GSTO2: variants seen among roughly 807,000 people sequenced by gnomAD.
The protein encoded by GSTO2 is glutathione S-transferase omega-2.
Under a neutral mutation model 28.4 loss-of-function variants are expected in GSTO2, and 23 were observed. The ratio of observed to expected loss-of-function variants is 0.81; its 90% CI spans 0.58 to 1.15. GSTO2 has a LOEUF of 1.15. Ranked by LOEUF, GSTO2 falls within the 50% of genes most tolerant of loss-of-function variation. GSTO2 has a pLI of 0.00. For missense variants in GSTO2, 298 were observed against 297.8 expected (o/e 1.00, Z 0.00); for synonymous variants, 109 against 111.0 (o/e 0.98, Z 0.11).
intron 5 of GSTO2, chr10:104,294,857 C>T (rs1282859556): frequency 1.3e-5 from 2 of 152,166 alleles, no homozygotes; most frequent in Non-Finnish European, 1.5e-5. Flanking sequence ...AAATGGAAAG[C>T]TTTAGAGATA....
At position 104,302,681 on chromosome 10, in the gene GSTO2, TG is replaced by T. The variant is rs1485376061; in HGVS notation, c.*3402del. 3 of 152,370 alleles carry T rather than the reference TG, an allele frequency of 2.0e-5. No individual in the cohort carries two copies. The East Asian group carries it at 5.8e-4, about 29-fold the overall frequency. The allele number at this position is 152,370 out of a possible 1,614,324, so 9.4% of individuals were successfully genotyped here. A position where few individuals can be genotyped will look rare whatever the true frequency, so the allele number is the denominator to read the frequency against. On this transcript the variant is annotated 3_prime_UTR_variant, in exon 7 of 7. Transcript: ENST00000338595. ...ATGCTGGTGGGAGGTGATTGGATCA[TG>T]GGGGTAGATTTCTCATGAATGGTTT...
intron 5 of GSTO2, among the ~76,000 whole-genome samples, chr10:104,287,911 G>A (rs889232205): frequency 7.4e-6 from 1 of 136,018 alleles, no homozygotes; most frequent in Non-Finnish European, 1.6e-5. Context: ...TTTTTGGGAC[G>A]GAGTCTCGCT....
intron 1 of GSTO2, among the ~76,000 whole-genome samples, chr10:104,272,587 C>CTGTTTTTTTTTTTT (rs2011459645): frequency 2.0e-5 from 1 of 49,280 alleles, no homozygotes; most frequent in Non-Finnish European, 3.8e-5. Flanking sequence ...AGTTATGGGA[C>CTGTTTTTTTTTTTT]TTTTTTTTTT....
chr10:104,298,586 C>A (rs1589878684), intron 6 of GSTO2, among the ~76,000 whole-genome samples: 1 of 152,220 alleles, frequency 6.6e-6, no homozygotes, highest in Non-Finnish European at 1.5e-5. Flanking sequence ...TTATCTTCAG[C>A]TTATTGCTTT....
chr10:104,278,062 A>T lies in GSTO2; in HGVS notation c.312A>T (p.Pro104=). 1 of 1,614,232 alleles carries T rather than the reference A, an allele frequency of 6.2e-7. No individual in the cohort carries two copies. Among genetic ancestry groups the T allele is most frequent in the Middle Eastern group, 1.7e-4 (1 of 6,060 alleles). ...CTTATCCAGGAAGGAAGCTGTTTCC[A>T]TATGACCCTTATGAACGAGCTCGCC... is the stretch of plus-strand genomic sequence containing the variant. ...DDAYPGRKLF[P]YDPYERARQK... is the part of the protein sequence containing the mutation. Residue 104 remains proline (P), a synonymous_variant, in exon 4 of 7, where the codon CCA becomes CCT. Coordinates refer to ENST00000338595, the MANE Select transcript of GSTO2 (RefSeq NM_183239.2).
intron 1 of GSTO2, among the ~76,000 whole-genome samples, chr10:104,272,855 G>A (rs952125953): frequency 5.3e-5 from 8 of 151,306 alleles, no homozygotes; most frequent in African/African-American, 1.7e-4. Context: ...CTCGTGATCC[G>A]CCCGCCTCGG....
chr10:104,288,443 C>T (rs1163984715), intron 5 of GSTO2: 2 of 152,204 alleles, frequency 1.3e-5, no homozygotes, highest in African/African-American at 4.8e-5. Context: ...CTGTATTTCA[C>T]TAAATTGCTT....
chr10:104,270,649 C>T (rs1485465324), intron 1 of GSTO2, among the ~76,000 whole-genome samples: 4 of 152,058 alleles, frequency 2.6e-5, no homozygotes, highest in Non-Finnish European at 5.9e-5. Flanking sequence ...AGAATAGAAC[C>T]TTTTACCTAA....
rs976440684 is a variant in GSTO2 at position 104,304,394 on chromosome 10, A to T, written c.*5110A>T. On this transcript the variant is annotated 3_prime_UTR_variant, in exon 7 of 7. Coordinates refer to ENST00000338595, the MANE Select transcript of GSTO2 (RefSeq NM_183239.2). ...CAGTCTTTTCTCTTGCAAAGTTCAGATCAAAATTCTTCTTTATGTAAAGAG... is the reference window on the plus strand; with the variant it reads ...CAGTCTTTTCTCTTGCAAAGTTCAGTTCAAAATTCTTCTTTATGTAAAGAG... 4.6e-5 allele frequency: 7 copies of T among 151,954 alleles called. No homozygotes were observed. The highest frequency in any genetic ancestry group is 1.7e-4 in the African/African-American group (7 of 41,326). 9.4% of individuals were successfully genotyped at this position (151,954 alleles called of 1,614,324 possible).
intron 6 of GSTO2, 55 bp downstream of exon 6, chr10:104,297,739 G>T: frequency 8.2e-7 from 1 of 1,220,542 alleles, no homozygotes; most frequent in South Asian, 1.2e-5. Flanking sequence ...GAGTAACAAT[G>T]GTTAAGATGG....
chr10:104,299,014 A>G, intron 6 of GSTO2, 114 bp from the exon 7 acceptor site: 1 of 934,270 alleles, frequency 1.1e-6, no homozygotes, highest in East Asian at 2.6e-5. Flanking sequence ...GATAACTAAG[A>G]TAACTTCCCA....
rs1033299979 is a variant in GSTO2, at chr10:104,283,259, T to C, written c.468+3788T>C. Among the ~76,000 whole-genome samples, 5 of 152,212 alleles carry C rather than the reference T, an allele frequency of 3.3e-5. No homozygotes were observed. The East Asian group carries it at 9.6e-4, about 29-fold the overall frequency. Reference sequence around the variant, plus strand: ...TGTAGGTAGCTTTCACTGATGCTATTTAAGGACCACTGAGTACTCCACATT... The same window carrying C: ...TGTAGGTAGCTTTCACTGATGCTATCTAAGGACCACTGAGTACTCCACATT... On this transcript the variant is annotated intron_variant, in intron 5 of 6. Transcript: ENST00000338595.
intron 5 of GSTO2, among the ~76,000 whole-genome samples, chr10:104,282,926 CAG>C (rs1360326670): frequency 1.3e-5 from 2 of 152,070 alleles, no homozygotes; most frequent in Non-Finnish European, 2.9e-5. Flanking sequence ...GAGCTTTCAC[CAG>C]AGAGTTTAGG....
chr10:104,273,641 A>G (rs1036402356), intron 1 of GSTO2, among the ~76,000 whole-genome samples: 1 of 152,260 alleles, frequency 6.6e-6, no homozygotes, highest in Admixed American at 6.5e-5. Context: ...AGCAGCCATT[A>G]CGTGCTATAT....
At chr10:104,290,136 G>T (rs1293178042) in intron 5 of GSTO2, among the ~76,000 whole-genome samples, 1 of 152,218 alleles carries the variant, frequency 6.6e-6, no homozygotes, top group Admixed American at 6.5e-5. Context: ...GGACCCTTAT[G>T]TTTGTTGCAG....
Position 104,300,337 on chromosome 10 carries a change from A to C in GSTO2, c.*1053A>C, listed in dbSNP as rs1031480294. 5 of 152,216 alleles carry C rather than the reference A, an allele frequency of 3.3e-5. No individual in the cohort carries two copies. Among genetic ancestry groups the C allele is most frequent in the East Asian group, 1.9e-4 (1 of 5,190 alleles). 9.4% of individuals were successfully genotyped at this position (152,216 alleles called of 1,614,324 possible). On this transcript the variant is annotated 3_prime_UTR_variant, in exon 7 of 7. Transcript: ENST00000338595. ...TGGATTTGCGTCACACTCTCTTCCA[A>C]TTCATCTCAACAAATGCCTCTGGTT...
At chr10:104,287,948 T>C (rs903700805) in intron 5 of GSTO2, among the ~76,000 whole-genome samples, 2 of 145,832 alleles carry the variant, frequency 1.4e-5, no homozygotes, top group Non-Finnish European at 1.5e-5. Flanking sequence ...AGTGTAGTGG[T>C]GCTATCTCGG....
chr10:104,275,482 G>A, intron 3 of GSTO2, 148 bp downstream of exon 3: 1 of 667,900 alleles, frequency 1.5e-6, no homozygotes, highest in East Asian at 2.9e-5. Flanking sequence ...AGCAAAGGGC[G>A]AGCTTTTTTT....
In GSTO2 at chr10:104,279,402, G is replaced by A. The variant is rs777086636; in HGVS notation, c.399G>A (p.Ala133=). 2.0e-5 allele frequency: 33 copies of A among 1,613,924 alleles called. No individual in the cohort carries two copies. The highest frequency in any genetic ancestry group is 1.1e-4 in the South Asian group (10 of 91,082). The change falls in exon 5 of 7, where the codon GCG becomes GCA. Residue 133 remains alanine, a synonymous_variant. Transcript: ENST00000338595. Reference sequence around the variant, plus strand: ...ATTTGACCAAGGAGTGCCTGGTAGCGTTGAGATGTGGGAGAGAATGCACTA... The same window carrying A: ...ATTTGACCAAGGAGTGCCTGGTAGCATTGAGATGTGGGAGAGAATGCACTA... ...VPHLTKECLV[A]LRCGRECTNL...
Sources: gnomAD v4.1 joint callset for allele counts (sites outside exome capture counted in the v4.1 genomes callset) on GRCh38, gnomAD v4.1.1 for gene constraint, MANE v1.5 for transcripts, NCBI Gene and HGNC (gene_info 2026-07-23, HGNC 2026-07-21) for gene names.